BBS12: variants seen among roughly 807,000 people sequenced by gnomAD.
BBS12 encodes the protein Bardet-Biedl syndrome 12.
A neutral mutation model predicts 5.6 loss-of-function variants in BBS12; 5 were observed. That is an observed-to-expected ratio of 0.89 (90% CI 0.46 to 1.86). The LOEUF is 1.86. Ranked by LOEUF, BBS12 falls within the 40% of genes most tolerant of loss-of-function variation. The pLI, the probability that BBS12 is intolerant of heterozygous loss-of-function variation, is 0.01. For missense variants in BBS12, 748 were observed against 830.4 expected, an observed-to-expected ratio of 0.90 and a Z score of 1.22; for synonymous variants, 308 against 306.8, an observed-to-expected ratio of 1.00 and a Z score of -0.04.
rs1399513208 is a variant in BBS12 at position 122,744,190 on chromosome 4, T to C, written c.*165T>C. The C allele has an allele frequency of 8.2e-6, 6 of 731,196 alleles. No homozygotes were observed. Among genetic ancestry groups the C allele is most frequent in the African/African-American group, 3.6e-5 (2 of 55,704 alleles). The allele number at this position is 731,196 out of a possible 1,614,324, so 45.3% of individuals were successfully genotyped here. On this transcript the variant is annotated 3_prime_UTR_variant, in exon 2 of 2. Transcript: ENST00000314218. ...ATGGTCTGAGATTTTACCCTACTTA[T>C]AAGCTAACAAGTTAGCCTGTTACTG...
chr4:122,733,376 A>C lies in BBS12; in HGVS notation c.-11+492A>C, dbSNP rs1394527625. Among the ~76,000 whole-genome samples, 107 of 88,070 alleles carry C rather than the reference A, an allele frequency of 1.2e-3. 1 individual carries two copies. Among genetic ancestry groups the C allele is most frequent in the Admixed American group, 3.4e-3 (27 of 7,992 alleles). 57.8% of individuals were successfully genotyped at this position (88,070 alleles called of 152,430 possible). ...CTATCGGACCCCGCCCTCCAACCCC[A>C]ACACACACACACACACACACACACA... is the stretch of plus-strand genomic sequence containing the variant. On this transcript the variant is annotated intron_variant, in intron 1 of 1. Coordinates refer to ENST00000314218, the MANE Select transcript of BBS12 (RefSeq NM_152618.3).
chr4:122,707,943 C>CCCTTCCTTCCTACCTTCCTT, the BBS12 span, among the ~76,000 whole-genome samples: 1 of 143,124 alleles, frequency 7.0e-6, no homozygotes, highest in Non-Finnish European at 1.5e-5. Flanking sequence ...ACACTCCTTT[C>CCCTTCCTTCCTACCTTCCTT]CCTTCCTTCC....
chr4:122,704,151 G>C, the BBS12 span, among the ~76,000 whole-genome samples: 1 of 152,168 alleles, frequency 6.6e-6, no homozygotes, highest in Non-Finnish European at 1.5e-5. Context: ...TGCCTGGCCA[G>C]GTCTTGAATC....
intron 1 of BBS12, among the ~76,000 whole-genome samples, chr4:122,736,052 T>G (rs1229112310): frequency 6.6e-6 from 1 of 151,966 alleles, no homozygotes; most frequent in Admixed American, 6.6e-5. Flanking sequence ...ACAGAAACAT[T>G]AAGATAGGGA....
At chr4:122,716,762 C>A in the BBS12 span, among the ~76,000 whole-genome samples, 1 of 150,496 alleles carries the variant, frequency 6.6e-6, no homozygotes, top group Admixed American at 6.6e-5. Flanking sequence ...TATAATTTCC[C>A]TGGTAATTCA....
the BBS12 span, among the ~76,000 whole-genome samples, chr4:122,701,366 G>A: frequency 2.0e-5 from 3 of 152,312 alleles, no homozygotes; most frequent in South Asian, 4.1e-4. Flanking sequence ...GAGACTGAGT[G>A]TTGAAGATTT....
chr4:122,724,293 G>A, the BBS12 span, among the ~76,000 whole-genome samples: 7 of 152,244 alleles, frequency 4.6e-5, no homozygotes, highest in East Asian at 1.4e-3. Context: ...TTCAAAGCTC[G>A]TTCACATGGT....
Position 122,742,911 on chromosome 4 carries a change from T to C in BBS12, c.1019T>C (p.Val340Ala). 1.2e-6 allele frequency: 2 copies of C among 1,614,230 alleles called. No homozygotes were observed. The highest frequency in any genetic ancestry group is 1.7e-6 in the Non-Finnish European group (2 of 1,180,046). The change falls in exon 2 of 2, where the codon GTA becomes GCA. Residue 340 changes from valine (V) to alanine (A), a missense_variant. By Grantham distance (64) the Val-to-Ala change is moderately conservative. Coordinates refer to ENST00000314218, the MANE Select transcript of BBS12 (RefSeq NM_152618.3). ...CCAGGATATATCACTGTTGTGTCAGTATCTAATAATCCTGTGATCAAGGAA... is the reference window on the plus strand; with the variant it reads ...CCAGGATATATCACTGTTGTGTCAGCATCTAATAATCCTGTGATCAAGGAA... ...VCPGYITVVS[V>A]SNNPVIKELQ...
chr4:122,743,044 C>T lies in BBS12; in HGVS notation c.1152C>T (p.Ser384=), dbSNP rs753335081. ...CAAATATTAAAACAGTATTAGATAG[C>T]ATGCGGCTTCAAGAAGACAGCTCAG... ...KSANIKTVLD[S]MRLQEDSSEE... is the part of the protein sequence containing the mutation. The change falls in exon 2 of 2, where the codon AGC becomes AGT. Residue 384 remains serine (S), a synonymous_variant. Transcript: ENST00000314218. 1.2e-6 allele frequency: 2 copies of T among 1,614,228 alleles called. No homozygotes were observed. Among genetic ancestry groups the T allele is most frequent in the Non-Finnish European group, 1.7e-6 (2 of 1,180,038 alleles).
At chr4:122,725,017 C>A in the BBS12 span, among the ~76,000 whole-genome samples, 1 of 151,916 alleles carries the variant, frequency 6.6e-6, no homozygotes, top group Non-Finnish European at 1.5e-5. Context: ...TAGAATTAGG[C>A]TACAGTCTGG....
At chr4:122,728,471 G>T (rs1272413626), upstream of BBS12, 2 of 152,148 alleles carry the variant, frequency 1.3e-5, no homozygotes, top group Non-Finnish European at 2.9e-5. Context: ...TGCATTCTCT[G>T]TAATGATTCA....
the BBS12 span, among the ~76,000 whole-genome samples, chr4:122,716,680 TAC>T: frequency 2.9e-4 from 20 of 69,616 alleles, 1 homozygote; most frequent in South Asian, 1.1e-3. Flanking sequence ...TGTGTATATA[TAC>T]ACATATGTGT....
the BBS12 span, among the ~76,000 whole-genome samples, chr4:122,717,257 T>A: frequency 2.0e-5 from 3 of 152,210 alleles, no homozygotes; most frequent in African/African-American, 7.2e-5. Flanking sequence ...TATCCACATA[T>A]AAGATACCAA....
At chr4:122,717,027 C>G in the BBS12 span, among the ~76,000 whole-genome samples, 3 of 152,174 alleles carry the variant, frequency 2.0e-5, no homozygotes, top group Admixed American at 6.5e-5. Context: ...TCAACGCCCT[C>G]TAGTGGAGTG....
At chr4:122,717,324 C>G in the BBS12 span, among the ~76,000 whole-genome samples, 1 of 152,110 alleles carries the variant, frequency 6.6e-6, no homozygotes, top group Non-Finnish European at 1.5e-5. Context: ...ATCTGTTTGT[C>G]TTGACTTCTT....
chr4:122,717,553 A>G, the BBS12 span, among the ~76,000 whole-genome samples: 1 of 152,168 alleles, frequency 6.6e-6, no homozygotes, highest in Admixed American at 6.5e-5. Context: ...TCTTGGAGAC[A>G]AAGTCTCACT....
Position 122,742,945 on chromosome 4 carries a change from T to C in BBS12, c.1053T>C (p.Asn351=), listed in dbSNP as rs1800907564. 2.5e-6 allele frequency: 4 copies of C among 1,614,220 alleles called. No homozygotes were observed. The highest frequency in any genetic ancestry group is 3.4e-6 in the Non-Finnish European group (4 of 1,180,024). Residue 351 remains asparagine, a synonymous_variant, in exon 2 of 2, where the codon AAT becomes AAC. Coordinates refer to ENST00000314218, the MANE Select transcript of BBS12 (RefSeq NM_152618.3). ...SNNPVIKELQ[N]QPVRIVLIEG... The stretch of plus-strand genomic sequence containing the variant: ...ATCCTGTGATCAAGGAATTGCAGAA[T>C]CAGCCTGTGCGAATAGTTCTCATTG...
At position 122,738,372 on chromosome 4, in the gene BBS12, G is replaced by A. The variant is rs562270751; in HGVS notation, c.-10-3511G>A. Reference sequence around the variant, plus strand: ...ACTACAGGTGCCTGTCACCATGCCCGGCTAATTTTTTTGTATTTTAACAGA... The same window carrying A: ...ACTACAGGTGCCTGTCACCATGCCCAGCTAATTTTTTTGTATTTTAACAGA... On this transcript the variant is annotated intron_variant, in intron 1 of 1. Coordinates refer to ENST00000314218, the MANE Select transcript of BBS12 (RefSeq NM_152618.3). 9.9e-4 allele frequency among the ~76,000 whole-genome samples: 151 copies of A among 152,072 alleles called. 2 individuals carry two copies. The highest frequency in any genetic ancestry group is 3.4e-3 in the Middle Eastern group (1 of 294).
At chr4:122,725,149 G>A in the BBS12 span, among the ~76,000 whole-genome samples, 1 of 152,060 alleles carries the variant, frequency 6.6e-6, no homozygotes, top group African/African-American at 2.4e-5. Context: ...AAATGTAGAG[G>A]CTTGGGTAGA....
Sources: allele counts gnomAD v4.1 joint callset (sites outside exome capture counted in the v4.1 genomes callset), GRCh38; gene constraint gnomAD v4.1.1; transcripts MANE v1.5; gene names NCBI Gene and HGNC (gene_info 2026-07-23, HGNC 2026-07-21).